The following ZNF215 variants were observed in gnomAD, a reference collection of about 807,000 sequenced individuals.
The protein encoded by ZNF215 is BWSCR2-associated zinc finger protein 2.
Under a neutral mutation model 27.2 loss-of-function variants are expected in ZNF215, and 24 were observed. The ratio of observed to expected loss-of-function variants is 0.88; its 90% CI spans 0.64 to 1.24. ZNF215 has a LOEUF of 1.24. Ranked by LOEUF, ZNF215 falls within the 50% of genes most tolerant of loss-of-function variation. The pLI is 0.00. For missense variants in ZNF215, 675 were observed against 605.7 expected, an observed-to-expected ratio of 1.11 and a Z score of -1.20; for synonymous variants, 210 against 204.0, an observed-to-expected ratio of 1.03 and a Z score of -0.25.
intron 3 of ZNF215, among the ~76,000 whole-genome samples, chr11:6,937,113 T>C (rs1420386090): frequency 2.0e-5 from 3 of 151,982 alleles, no homozygotes; most frequent in African/African-American, 4.8e-5. Context: ...AAAGGTATCA[T>C]GATTGGAAAG....
At position 6,943,127 on chromosome 11, in the gene ZNF215, A is replaced by C. The variant is rs1348611706; in HGVS notation, c.528A>C (p.Glu176Asp). The C allele has an allele frequency of 6.2e-7, 1 of 1,613,884 alleles. No individual in the cohort carries two copies. Among genetic ancestry groups the C allele is most frequent in the Admixed American group, 1.7e-5 (1 of 59,974 alleles). Residue 176 changes from glutamate (E) to aspartate (D), a missense_variant, in exon 5 of 7, where the codon GAA (glutamate) becomes GAC (aspartate). Transcript: ENST00000278319. ...ATGTGGTTGTGGAATTCAGCAAGGA[A>C]GAGTGGGGGCAACTGGACTCTGCTG... The part of the protein sequence containing the change: ...FKDVVVEFSK[E>D]EWGQLDSAVK...
intron 5 of ZNF215, among the ~76,000 whole-genome samples, chr11:6,967,392 C>T (rs1158823733): frequency 6.6e-6 from 1 of 152,226 alleles, no homozygotes; most frequent in Admixed American, 6.5e-5. Context: ...CTGTCTTCCA[C>T]AATGGTTGAA....
chr11:6,987,200 G>A (rs954436619), downstream of ZNF215, among the ~76,000 whole-genome samples: 11 of 152,052 alleles, frequency 7.2e-5, no homozygotes, highest in African/African-American at 9.7e-5. Context: ...CCATAAAAAC[G>A]AATGATATTA....
At chr11:6,963,585 A>C (rs1850560081) in intron 5 of ZNF215, among the ~76,000 whole-genome samples, 1 of 152,234 alleles carries the variant, frequency 6.6e-6, no homozygotes, top group African/African-American at 2.4e-5. Context: ...AATATAAAAA[A>C]AGTTACAAAT....
At chr11:6,935,215 C>A (rs1397506944) in intron 3 of ZNF215, among the ~76,000 whole-genome samples, 1 of 152,172 alleles carries the variant, frequency 6.6e-6, no homozygotes, top group African/African-American at 2.4e-5. Flanking sequence ...ATCTGAAAAT[C>A]TGGAAGATTG....
chr11:6,954,818 C>T (rs2133290792), intron 6 of ZNF215, among the ~76,000 whole-genome samples: 1 of 152,330 alleles, frequency 6.6e-6, no homozygotes, highest in African/African-American at 2.4e-5. Context: ...AGTCACCCGT[C>T]TTCTGCGTCA....
downstream of ZNF215, among the ~76,000 whole-genome samples, chr11:6,962,867 G>A (rs11041116): frequency 0.25 from 37,680 of 151,998 alleles, 5,609 homozygotes; most frequent in East Asian, 0.37. Flanking sequence ...GACGCTGATT[G>A]TAAGTTTCAG....
chr11:6,958,181 A>G, downstream of ZNF215: 1 of 596,552 alleles, frequency 1.7e-6, no homozygotes, highest in Non-Finnish European at 2.1e-6. Flanking sequence ...CTCTGAATGT[A>G]AAAAATTCTT....
At chr11:6,965,587 A>C (rs976225415) in intron 5 of ZNF215, among the ~76,000 whole-genome samples, 1 of 152,104 alleles carries the variant, frequency 6.6e-6, no homozygotes, top group African/African-American at 2.4e-5. Flanking sequence ...TATTTCTTTT[A>C]TCAGTCTTCT....
chr11:6,986,839 TCAAAAACAAAAACAAAAA>T (rs111675108), downstream of ZNF215, among the ~76,000 whole-genome samples: 1 of 151,418 alleles, frequency 6.6e-6, no homozygotes, highest in Non-Finnish European at 1.5e-5. Context: ...TGTTAAAAAG[TCAAAAACAAAAACAAAAA>T]CAAAAACAGA....
At chr11:6,980,623 T>G (rs1340608299) in intron 5 of ZNF215, among the ~76,000 whole-genome samples, 21 of 151,728 alleles carry the variant, frequency 1.4e-4, no homozygotes, top group African/African-American at 5.1e-4. Context: ...ATTATTATTA[T>G]TATACTTTAA....
At chr11:6,984,828 T>C (rs1590090488), downstream of ZNF215, among the ~76,000 whole-genome samples, 2 of 143,880 alleles carry the variant, frequency 1.4e-5, no homozygotes, top group South Asian at 4.4e-4. Context: ...CACAATCTTT[T>C]ACATTTCTCT....
downstream of ZNF215, among the ~76,000 whole-genome samples, chr11:6,986,399 A>C (rs1590091290): frequency 6.6e-6 from 1 of 152,176 alleles, no homozygotes; most frequent in Non-Finnish European, 1.5e-5. Flanking sequence ...TAAAGACTGA[A>C]ATATAAAGCC....
At chr11:6,940,646 T>A (rs529499726) in intron 3 of ZNF215, among the ~76,000 whole-genome samples, 1 of 152,270 alleles carries the variant, frequency 6.6e-6, no homozygotes, top group Admixed American at 6.5e-5. Flanking sequence ...GTTGTTTAAA[T>A]TGTTGAACCC....
At chr11:6,946,489 G>T (rs370697231) in intron 6 of ZNF215, among the ~76,000 whole-genome samples, 1 of 152,272 alleles carries the variant, frequency 6.6e-6, no homozygotes, top group Admixed American at 6.5e-5. Context: ...TTGGTGTGCA[G>T]CAGAGAAAAG....
intron 1 of ZNF215, among the ~76,000 whole-genome samples, chr11:6,927,417 T>C: frequency 6.6e-6 from 1 of 152,192 alleles, no homozygotes; most frequent in East Asian, 1.9e-4. Flanking sequence ...TGATTAGAAA[T>C]AACCCTCTTC....
At chr11:6,942,973 A>C in intron 4 of ZNF215, 110 bp from the exon 5 acceptor site, 1 of 1,454,696 alleles carries the variant, frequency 6.9e-7, no homozygotes, top group Non-Finnish European at 9.2e-7. Flanking sequence ...ACATTGTCCT[A>C]TCAATTTCTG....
At chr11:6,948,040 A>T (rs768646049) in intron 6 of ZNF215, among the ~76,000 whole-genome samples, 5 of 152,206 alleles carry the variant, frequency 3.3e-5, no homozygotes, top group Non-Finnish European at 7.3e-5. Context: ...GAAGTGGTAT[A>T]GTGTCACTTC....
chr11:6,965,665 G>C (rs1850603493), intron 5 of ZNF215, among the ~76,000 whole-genome samples: 1 of 152,058 alleles, frequency 6.6e-6, no homozygotes, highest in Non-Finnish European at 1.5e-5. Flanking sequence ...AACATTTTTA[G>C]TACATTATAA....
Sources: gnomAD v4.1 joint callset for allele counts (sites outside exome capture counted in the v4.1 genomes callset) on GRCh38, gnomAD v4.1.1 for gene constraint, MANE v1.5 for transcripts, NCBI Gene and HGNC (gene_info 2026-07-23, HGNC 2026-07-21) for gene names.